SRSF5: variants seen among roughly 807,000 people sequenced by gnomAD.
SRSF5 encodes the protein serine/arginine-rich splicing factor 5.
In SRSF5, 5 loss-of-function variants were observed where a neutral mutation model predicts 34.0. That is an observed-to-expected ratio of 0.15 (90% confidence interval 0.08 to 0.31). The LOEUF is 0.31. Ranked by LOEUF, SRSF5 falls within the 10% of genes least tolerant of loss-of-function variation. SRSF5 has a pLI of 1.00. For missense variants in SRSF5, 223 were observed against 351.4 expected, an observed-to-expected ratio of 0.63 and a Z score of 2.92; for synonymous variants, 164 against 117.7, an observed-to-expected ratio of 1.39 and a Z score of -2.55.
At chr14:69,768,446 A>G in intron 2 of SRSF5, 158 bp from the exon 3 acceptor site, 4 of 1,235,672 alleles carry the variant, frequency 3.2e-6, no homozygotes, top group African/African-American at 1.5e-5. Flanking sequence ...TTGCCGGCTC[A>G]CTGGAACCCC....
intron 6 of SRSF5, among the ~76,000 whole-genome samples, 177 bp downstream of exon 6, chr14:69,770,717 C>T (rs1045863903): frequency 6.6e-6 from 1 of 152,176 alleles, no homozygotes; most frequent in African/African-American, 2.4e-5. Flanking sequence ...GTTTGGTTGT[C>T]ACAACTGGTT....
At chr14:69,770,889 T>C (rs1883122597) in intron 6 of SRSF5, 106 bp from the exon 7 acceptor site, 2 of 959,218 alleles carry the variant, frequency 2.1e-6, no homozygotes, top group South Asian at 1.7e-5. Flanking sequence ...GACTCAATAG[T>C]AGCAATAGCA....
Position 69,769,271 on chromosome 14 carries a change from T to A in SRSF5, c.366+20T>A. On this transcript the variant is annotated intron_variant, in intron 5 of 7. Coordinates refer to ENST00000557154, the MANE Select transcript of SRSF5 (RefSeq NM_001320214.2). ...TGGCAGGTTTGTTGAAATACAGTTT[T>A]GAGTTATTTTGATGTGGCTTTTTAA... The A allele has an allele frequency of 6.2e-7, 1 of 1,613,410 alleles. No homozygotes were observed. Among genetic ancestry groups the A allele is most frequent in the East Asian group, 2.2e-5 (1 of 44,866 alleles).
At chr14:69,770,578 C>A (rs373928563) in intron 6 of SRSF5, 38 bp downstream of exon 6, 2 of 1,569,398 alleles carry the variant, frequency 1.3e-6, no homozygotes, top group Admixed American at 1.8e-5. Context: ...TAAAAATATC[C>A]GGAAAATTTT....
intron 5 of SRSF5, chr14:69,769,881 C>G: frequency 8.4e-7 from 1 of 1,193,834 alleles, no homozygotes; most frequent in Non-Finnish European, 1.0e-6. Context: ...CTGCATCCGC[C>G]AATAGTCCGC....
Position 69,768,684 on chromosome 14 carries a change from C to A in SRSF5, c.197+10C>A. On this transcript the variant is annotated intron_variant, in intron 3 of 7. Transcript: ENST00000557154. ...AACTCTGTAGTGAAAGGTGAGATTC[C>A]TGTGTAACTAGATAACCCTGGGACA... The A allele has an allele frequency of 6.2e-7, 1 of 1,613,974 alleles. No homozygotes were observed. The highest frequency in any genetic ancestry group is 2.2e-5 in the East Asian group (1 of 44,882).
chr14:69,769,367 T>TG, intron 5 of SRSF5, 116 bp downstream of exon 5: 1 of 1,507,964 alleles, frequency 6.6e-7, no homozygotes, highest in Admixed American at 2.2e-5. Flanking sequence ...TTTAATGGAA[T>TG]TGTAATTTTA....
intron 5 of SRSF5, chr14:69,770,057 T>C: frequency 9.8e-7 from 1 of 1,018,346 alleles, no homozygotes; most frequent in Non-Finnish European, 1.2e-6. Context: ...AGTAAACTTT[T>C]TTAATGACAT....
chr14:69,768,403 C>G, intron 2 of SRSF5, 121 bp downstream of exon 2: 1 of 1,445,046 alleles, frequency 6.9e-7, no homozygotes, highest in African/African-American at 1.4e-5. Context: ...AGCCTTATGT[C>G]TGAATTTTAT....
rs777232426 is a variant in SRSF5 at position 69,768,252 on chromosome 14, T to G, written c.96T>G (p.Asp32Glu). 12 of 1,614,018 alleles carry G rather than the reference T, an allele frequency of 7.4e-6. No homozygotes were observed. The highest frequency in any genetic ancestry group is 6.7e-5 in the Admixed American group (4 of 60,002). ...TCAAGGGATATGGACGGATAAGAGA[T>G]ATTGATCTGAAAAGAGGCTTTGGTT... ...RFFKGYGRIR[D>E]IDLKRGFGFV... The change falls in exon 2 of 8, where the codon GAT (aspartate) becomes GAG (glutamate). Residue 32 changes from aspartate to glutamate, a missense_variant. By Grantham distance (45) the Asp-to-Glu change is conservative. Coordinates refer to ENST00000557154, the MANE Select transcript of SRSF5 (RefSeq NM_001320214.2).
rs547364064 is a variant in SRSF5, at chr14:69,767,414, C to T, written c.-20+159C>T. On this transcript the variant is annotated intron_variant, in intron 1 of 7. Transcript: ENST00000557154. ...TGGGGCACGTCTCCCTTTTGGCATA[C>T]TGTTTGAGGGGTACTGAGGTGAAAG... 67 of 455,944 alleles carry T rather than the reference C, an allele frequency of 1.5e-4. 1 individual carries two copies. Among genetic ancestry groups the T allele is most frequent in the African/African-American group, 1.3e-3 (64 of 50,156 alleles). 28.2% of individuals were successfully genotyped at this position (455,944 alleles called of 1,614,324 possible).
At chr14:69,769,882 A>G (rs1165222366) in intron 5 of SRSF5, 1 of 1,194,996 alleles carries the variant, frequency 8.4e-7, no homozygotes, top group Non-Finnish European at 1.0e-6. Flanking sequence ...TGCATCCGCC[A>G]ATAGTCCGCT....
In SRSF5 at chr14:69,771,187, T is replaced by C; in HGVS notation, c.552-7T>C. The stretch of plus-strand genomic sequence containing the variant: ...TATCTAGGCTGATTTCTTTTCATTT[T>C]TCATAGTAGGTCAAGAAGCAGGTCT... On this transcript the variant is annotated splice_polypyrimidine_tract_variant and splice_region_variant and intron_variant, in intron 7 of 7. Transcript: ENST00000557154. 1.9e-6 allele frequency: 3 copies of C among 1,613,976 alleles called. No individual in the cohort carries two copies. Among genetic ancestry groups the C allele is most frequent in the Non-Finnish European group, 2.5e-6 (3 of 1,179,886 alleles).
chr14:69,767,666 T>G (rs575234235), intron 1 of SRSF5: 10 of 372,650 alleles, frequency 2.7e-5, no homozygotes, highest in African/African-American at 2.1e-4. Flanking sequence ...CTGCCTTTGA[T>G]TCCACCGCCG....
At chr14:69,770,811 A>G in intron 6 of SRSF5, 184 bp from the exon 7 acceptor site, 1 of 671,722 alleles carries the variant, frequency 1.5e-6, no homozygotes, top group Non-Finnish European at 2.5e-6. Flanking sequence ...CCCCCTCAAC[A>G]ATGAATTGGC....
intron 1 of SRSF5, chr14:69,767,550 T>C: frequency 2.2e-6 from 1 of 455,828 alleles, no homozygotes; most frequent in South Asian, 1.5e-5. Flanking sequence ...TCTCCCTGAC[T>C]TTGCTGGCGA....
chr14:69,770,881 C>T (rs1883121568), intron 6 of SRSF5, 114 bp from the exon 7 acceptor site: 13 of 923,526 alleles, frequency 1.4e-5, no homozygotes, highest in Middle Eastern at 3.4e-4. Flanking sequence ...AGAAATAAGA[C>T]TCAATAGTAG....
In SRSF5 at chr14:69,768,296, A is replaced by C. The variant is rs141028017; in HGVS notation, c.126+14A>C. 2.7e-4 allele frequency: 429 copies of C among 1,614,024 alleles called. 2 individuals carry two copies. In the African/African-American group the frequency reaches 5.3e-3, roughly 20 times the overall value. Reference sequence around the variant, plus strand: ...TTTGGTTTTGTGGTAAGTATTTAGAACTGGGTGAATTATCTGCTAAGTAGG... The same window carrying C: ...TTTGGTTTTGTGGTAAGTATTTAGACCTGGGTGAATTATCTGCTAAGTAGG... On this transcript the variant is annotated intron_variant, in intron 2 of 7. Transcript: ENST00000557154.
In SRSF5 at chr14:69,769,176, C is replaced by T. The variant is rs376144200; in HGVS notation, c.297-6C>T. 9.3e-6 allele frequency: 15 copies of T among 1,613,992 alleles called. No homozygotes were observed. The African/African-American group carries it at 9.3e-5, about 10-fold the overall frequency. ...TTCCATTGTGAATACGAATTTTCTT[C>T]CTCAGAAATGCTCCACCTGTAAGAA... On this transcript the variant is annotated splice_region_variant and splice_polypyrimidine_tract_variant and intron_variant, in intron 4 of 7. Transcript: ENST00000557154.
Sources: allele counts gnomAD v4.1 joint callset (sites outside exome capture counted in the v4.1 genomes callset), GRCh38; gene constraint gnomAD v4.1.1; transcripts MANE v1.5; gene names NCBI Gene and HGNC (gene_info 2026-07-23, HGNC 2026-07-21).